Variants in PRKN observed in about 807,000 individuals in gnomAD.
PRKN encodes the protein E3 ubiquitin-protein ligase parkin.
Under a neutral mutation model 59.5 loss-of-function variants are expected in PRKN, and 56 were observed. The ratio of observed to expected loss-of-function variants is 0.94; its 90% CI spans 0.76 to 1.18. The LOEUF (loss-of-function observed/expected upper bound fraction) is 1.18, where lower values mean the gene tolerates loss of function less well. Ranked by LOEUF, PRKN falls within the 50% of genes most tolerant of loss-of-function variation. The pLI is 0.00. For synonymous variants in PRKN, 250 were observed against 222.1 expected, an observed-to-expected ratio of 1.13 and a Z score of -1.12; for missense variants, 657 against 596.4, an observed-to-expected ratio of 1.10 and a Z score of -1.06.
chr6:162,368,915 A>G (rs1432126482), intron 2 of PRKN, among the ~76,000 whole-genome samples: 1 of 152,194 alleles, frequency 6.6e-6, no homozygotes, highest in Non-Finnish European at 1.5e-5. Flanking sequence ...CTGTCAGCAC[A>G]ATTACCTTGT....
intron 2 of PRKN, among the ~76,000 whole-genome samples, chr6:162,367,625 C>T (rs1163813906): frequency 1.3e-5 from 2 of 152,070 alleles, no homozygotes; most frequent in Non-Finnish European, 2.9e-5. Context: ...AATTATTTCA[C>T]AGCTCTTTTC....
intron 3 of PRKN, among the ~76,000 whole-genome samples, chr6:162,259,480 A>G (rs1354511033): frequency 6.6e-6 from 1 of 152,262 alleles, no homozygotes; most frequent in Non-Finnish European, 1.5e-5. Context: ...CATCAAAGAA[A>G]CATGGAAAAA....
rs573801610 is a variant in PRKN, at chr6:161,562,447, C to A, written c.933+6908G>T. Among the ~76,000 whole-genome samples the A allele has an allele frequency of 1.3e-5, 2 of 152,198 alleles. No homozygotes were observed. Among genetic ancestry groups the A allele is most frequent in the African/African-American group, 4.8e-5 (2 of 41,454 alleles). ...AACACTGGTGTTCCTTACGGTTCAT[C>A]CAATCACGGTCTCTCCTTTCTTGGC... is the stretch of plus-strand genomic sequence containing the variant. On this transcript the variant is annotated intron_variant, in intron 8 of 11. Coordinates refer to ENST00000366898, the MANE Select transcript of PRKN (RefSeq NM_004562.3). The surrounding 1 kb of genome is among the most constrained non-coding windows in gnomAD (Gnocchi z 4.3).
intron 6 of PRKN, among the ~76,000 whole-genome samples, chr6:161,832,997 A>G (rs999746515): frequency 6.6e-6 from 1 of 152,100 alleles, no homozygotes; most frequent in Non-Finnish European, 1.5e-5. Context: ...AGGTATTACT[A>G]TGATCCCCAG....
chr6:161,886,944 T>C (rs948964145), intron 6 of PRKN, among the ~76,000 whole-genome samples: 3 of 152,152 alleles, frequency 2.0e-5, no homozygotes, highest in African/African-American at 7.2e-5. Context: ...AATTGGGATA[T>C]GTTTGCTTGT....
chr6:162,195,655 A>C (rs1436450244), intron 4 of PRKN, among the ~76,000 whole-genome samples: 1 of 152,200 alleles, frequency 6.6e-6, no homozygotes, highest in Admixed American at 6.5e-5. Context: ...AGTGGCAAAG[A>C]TAAAGTTCTT....
chr6:162,235,963 A>AAGAAAGAAAGAAAGAAAG (rs1778662670), intron 3 of PRKN, among the ~76,000 whole-genome samples: 5 of 61,540 alleles, frequency 8.1e-5, no homozygotes, highest in African/African-American at 3.8e-4. Context: ...GAAAGGAAGA[A>AAGAAAGAAAGAAAGAAAG]AGAAAGAAAG....
intron 2 of PRKN, among the ~76,000 whole-genome samples, chr6:162,318,808 CA>C (rs1436823439): frequency 5.3e-5 from 8 of 151,874 alleles, no homozygotes; most frequent in Non-Finnish European, 8.8e-5. Context: ...TTTGTGAAAG[CA>C]AAAACGAATT....
chr6:162,237,655 T>C (rs1487864884), intron 3 of PRKN, among the ~76,000 whole-genome samples: 1 of 152,114 alleles, frequency 6.6e-6, no homozygotes. Context: ...ATCCCAGTTT[T>C]AAGGAAGAAC....
intron 9 of PRKN, among the ~76,000 whole-genome samples, chr6:161,543,236 C>T (rs1287268063): frequency 6.6e-6 from 1 of 152,180 alleles, no homozygotes; most frequent in Non-Finnish European, 1.5e-5. Context: ...AAACCTCCAA[C>T]AGTATTTTAA....
intron 1 of PRKN, among the ~76,000 whole-genome samples, chr6:162,705,002 T>C (rs566302940): frequency 6.6e-6 from 1 of 152,358 alleles, no homozygotes; most frequent in African/African-American, 2.4e-5. Flanking sequence ...ATGTATTTTA[T>C]ATATTACTTC....
chr6:161,504,233 A>C (rs149031476), intron 9 of PRKN, among the ~76,000 whole-genome samples: 239 of 152,286 alleles, frequency 1.6e-3, no homozygotes, highest in Admixed American at 4.3e-3. Flanking sequence ...AATGAGGGTG[A>C]CTTAAAGGCA....
chr6:162,441,010 T>C (rs1790023118), intron 2 of PRKN, among the ~76,000 whole-genome samples: 1 of 152,128 alleles, frequency 6.6e-6, no homozygotes. Context: ...TGAACAAAGT[T>C]TGCCAACTTC....
rs1174733303 is a variant in PRKN, at chr6:161,785,884, G to C, written c.759C>G (p.Cys253Trp). 1.2e-6 allele frequency: 2 copies of C among 1,614,118 alleles called. No individual in the cohort carries two copies. The highest frequency in any genetic ancestry group is 1.7e-6 in the Non-Finnish European group (2 of 1,179,968). The change falls in exon 7 of 12, where the codon TGC becomes TGG. Residue 253 changes from cysteine (C) to tryptophan (W), a missense_variant. Transcript: ENST00000366898. ...DVRSPVLVFQCNSRHVICLDC... is the reference protein window; with the variant it reads ...DVRSPVLVFQWNSRHVICLDC... ...CTAAGCAAATCACGTGGCGGGAGTTGCACTGGAAAACCAGGACGGGGCTCC... is the reference window on the plus strand; with the variant it reads ...CTAAGCAAATCACGTGGCGGGAGTTCCACTGGAAAACCAGGACGGGGCTCC...
chr6:162,687,188 CTTT>C (rs749381380), intron 1 of PRKN, among the ~76,000 whole-genome samples: 1 of 134,622 alleles, frequency 7.4e-6, no homozygotes, highest in Non-Finnish European at 1.6e-5. Context: ...GCCTCTTTTT[CTTT>C]TTTTTTTTTT....
chr6:162,255,433 G>A (rs1779602204), intron 3 of PRKN, among the ~76,000 whole-genome samples: 1 of 152,102 alleles, frequency 6.6e-6, no homozygotes, highest in Non-Finnish European at 1.5e-5. Flanking sequence ...ATGAGAAATG[G>A]GGAAACTGTG....
intron 4 of PRKN, among the ~76,000 whole-genome samples, chr6:162,175,452 C>T (rs957316865): frequency 1.3e-5 from 2 of 152,126 alleles, no homozygotes; most frequent in Admixed American, 6.5e-5. Flanking sequence ...AAGTATGCAA[C>T]CCTTTTGTAA....
rs768939316 is a variant in PRKN, at chr6:161,350,062, C to T, written c.*37G>A. ...ATGAAGGTAGACACTGGGTATGCTCCCCCAGGATGTGGCGATGGGGCGCCC... is the reference window on the plus strand; with the variant it reads ...ATGAAGGTAGACACTGGGTATGCTCTCCCAGGATGTGGCGATGGGGCGCCC... On this transcript the variant is annotated 3_prime_UTR_variant, in exon 12 of 12. Coordinates refer to ENST00000366898, the MANE Select transcript of PRKN (RefSeq NM_004562.3). 2.3e-6 allele frequency: 3 copies of T among 1,288,074 alleles called. No homozygotes were observed. The South Asian group carries it at 3.6e-5, about 15-fold the overall frequency. The allele number at this position is 1,288,074 out of a possible 1,614,324, so 79.8% of individuals were successfully genotyped here. A position where few individuals can be genotyped will look rare whatever the true frequency, so the allele number is the denominator to read the frequency against.
intron 7 of PRKN, among the ~76,000 whole-genome samples, chr6:161,649,659 T>G (rs926913895): frequency 6.6e-6 from 1 of 152,204 alleles, no homozygotes; most frequent in African/African-American, 2.4e-5. Context: ...AGGCTTTTAA[T>G]CAGAAAGAAT....
Sources: gnomAD v4.1 joint callset for allele counts (sites outside exome capture counted in the v4.1 genomes callset) on GRCh38, gnomAD v4.1.1 for gene constraint, Gnocchi (gnomAD v3.1) non-coding constraint, MANE v1.5 for transcripts, NCBI Gene and HGNC (gene_info 2026-07-23, HGNC 2026-07-21) for gene names.